NOP9: variants seen among roughly 807,000 people sequenced by gnomAD.
NOP9 encodes the protein NOP9 nucleolar protein.
A neutral mutation model predicts 63.0 loss-of-function variants in NOP9; 50 were observed. That is an observed-to-expected ratio of 0.79 (90% confidence interval 0.63 to 1.00). The LOEUF is 1.00. Ranked by LOEUF, NOP9 falls within the 50% of genes least tolerant of loss-of-function variation. NOP9 has a pLI of 0.00. For missense variants in NOP9, 758 were observed against 803.0 expected (o/e 0.94, Z 0.68); for synonymous variants, 343 against 332.8 (o/e 1.03, Z -0.33).
At position 24,306,336 on chromosome 14, in the gene NOP9, G is replaced by A. The variant is rs1170161232; in HGVS notation, c.*1241G>A. 6.2e-7 allele frequency: 1 copy of A among 1,613,458 alleles called. No individual in the cohort carries two copies. Among genetic ancestry groups the A allele is most frequent in the South Asian group, 1.1e-5 (1 of 91,058 alleles). Reference sequence around the variant, plus strand: ...GAGGAAGCCCGGGAAAGCTCTAAAGGACAGGCATTGGAAGCAGCCCCAGTA... The same window carrying A: ...GAGGAAGCCCGGGAAAGCTCTAAAGAACAGGCATTGGAAGCAGCCCCAGTA... On this transcript the variant is annotated 3_prime_UTR_variant, in exon 10 of 10. Transcript: ENST00000267425.
the NOP9 span, among the ~76,000 whole-genome samples, chr14:24,289,131 C>T: frequency 6.6e-6 from 1 of 152,242 alleles, no homozygotes; most frequent in Admixed American, 6.5e-5. Context: ...CGCCCGCCAC[C>T]ACGCCCAGCT....
the NOP9 span, among the ~76,000 whole-genome samples, chr14:24,276,385 A>T: frequency 6.6e-6 from 1 of 151,900 alleles, no homozygotes; most frequent in Non-Finnish European, 1.5e-5. Context: ...TCAAAAAAAA[A>T]AAAAAAATAG....
rs1327642006 is a variant in NOP9 at position 24,306,099 on chromosome 14, G to C, written c.*1004G>C. 3.1e-6 allele frequency: 5 copies of C among 1,614,062 alleles called. No individual in the cohort carries two copies. Among genetic ancestry groups the C allele is most frequent in the Non-Finnish European group, 4.2e-6 (5 of 1,179,996 alleles). ...ATCGGGCGATGTCCTTGCTGTGCTT[G>C]GGCCTCTCCCGTCCCAGGCCATATG... On this transcript the variant is annotated 3_prime_UTR_variant, in exon 10 of 10. Coordinates refer to ENST00000267425, the MANE Select transcript of NOP9 (RefSeq NM_174913.3).
chr14:24,290,997 TG>T, the NOP9 span: 1 of 1,614,034 alleles, frequency 6.2e-7, no homozygotes, highest in Non-Finnish European at 8.5e-7. Flanking sequence ...CGGGGCGGCC[TG>T]GGAACAACAG....
In NOP9 at chr14:24,300,825, A is replaced by C; in HGVS notation, c.665A>C (p.Glu222Ala). The change falls in exon 2 of 10, where the codon GAG becomes GCG. Residue 222 changes from glutamate to alanine, a missense_variant. Transcript: ENST00000267425. ...QVLGGTILES[E>A]RARPRGSQSS... ...TTAGGAGGGACTATTCTGGAGTCTG[A>C]GAGAGCCAGGCCCCGTGGTTCCCAA... 6.2e-7 allele frequency: 1 copy of C among 1,613,964 alleles called. No homozygotes were observed.
chr14:24,292,653 G>A, the NOP9 span: 13 of 1,614,062 alleles, frequency 8.1e-6, no homozygotes, highest in Admixed American at 3.3e-5. Flanking sequence ...GGTCCTCACC[G>A]CAGCTTTGCC....
At position 24,306,383 on chromosome 14, in the gene NOP9, G is replaced by T. The variant is rs1208850480; in HGVS notation, c.*1288G>T. 1.9e-6 allele frequency: 3 copies of T among 1,614,056 alleles called. No individual in the cohort carries two copies. Among genetic ancestry groups the T allele is most frequent in the African/African-American group, 1.3e-5 (1 of 74,914 alleles). On this transcript the variant is annotated 3_prime_UTR_variant, in exon 10 of 10. Coordinates refer to ENST00000267425, the MANE Select transcript of NOP9 (RefSeq NM_174913.3). ...AGTATAGGCCTCTTACCCTTGTAGG[G>T]CTCCAGCTCTGACCAGACTGCAACA... is the stretch of plus-strand genomic sequence containing the variant.
chr14:24,281,324 A>G, the NOP9 span, among the ~76,000 whole-genome samples: 2 of 152,192 alleles, frequency 1.3e-5, no homozygotes, highest in Non-Finnish European at 2.9e-5. Flanking sequence ...CTGGCCCAGC[A>G]TACCTCCCCT....
Position 24,303,759 on chromosome 14 carries a change from C to T in NOP9, c.1312C>T (p.Arg438Trp), listed in dbSNP as rs116960868. The T allele has an allele frequency of 2.2e-5, 35 of 1,614,022 alleles. No homozygotes were observed. The highest frequency in any genetic ancestry group is 8.3e-5 in the Admixed American group (5 of 60,006). ...ATTCCACTGTGCAGAGCCCTCATCC[C>T]GGCAAGTGGCCTGTGTGCCTCTCTT... Reference protein sequence around the residue: ...EAFHCAEPSSRQVACVPLFAT... With the variant: ...EAFHCAEPSSWQVACVPLFAT... Residue 438 changes from arginine to tryptophan, a missense_variant, in exon 7 of 10, where the codon CGG (arginine) becomes TGG (tryptophan). Arg to Trp is a moderately radical substitution (Grantham distance 101). Coordinates refer to ENST00000267425, the MANE Select transcript of NOP9 (RefSeq NM_174913.3).
Position 24,307,361 on chromosome 14 carries a change from G to C in NOP9, c.*2266G>C, listed in dbSNP as rs903342775. ...CCTGCTATAGGAACCGAGGAACTTG[G>C]CCTACTTACTTTGGCTAGCAGCTCC... On this transcript the variant is annotated 3_prime_UTR_variant, in exon 10 of 10. Transcript: ENST00000267425. 2.0e-5 allele frequency: 33 copies of C among 1,610,746 alleles called. No homozygotes were observed. The highest frequency in any genetic ancestry group is 6.7e-5 in the Admixed American group (4 of 59,648).
At chr14:24,303,928 A>G in intron 7 of NOP9, 71 bp downstream of exon 7, 1 of 1,598,354 alleles carries the variant, frequency 6.3e-7, no homozygotes, top group Non-Finnish European at 8.6e-7. Flanking sequence ...CAAGCGTCTG[A>G]CTTCTGAGGT....
chr14:24,291,092 A>G, the NOP9 span: 22 of 1,613,154 alleles, frequency 1.4e-5, no homozygotes, highest in South Asian at 2.1e-4. Context: ...TGGGCAGGGA[A>G]CAGAGGGAAC....
the NOP9 span, among the ~76,000 whole-genome samples, chr14:24,280,818 C>G: frequency 6.6e-6 from 1 of 152,092 alleles, no homozygotes; most frequent in African/African-American, 2.4e-5. Flanking sequence ...AATGGTGAGC[C>G]ATGGAGGCAC....
chr14:24,278,397 T>G, the NOP9 span, among the ~76,000 whole-genome samples: 1 of 152,224 alleles, frequency 6.6e-6, no homozygotes, highest in Non-Finnish European at 1.5e-5. Context: ...TAATGTGTCT[T>G]TGTCAACCTG....
chr14:24,303,103 T>C lies in NOP9; in HGVS notation c.1173T>C (p.Pro391=). 1 of 1,579,764 alleles carries C rather than the reference T, an allele frequency of 6.3e-7. No homozygotes were observed. Among genetic ancestry groups the C allele is most frequent in the South Asian group, 1.2e-5 (1 of 86,112 alleles). Residue 391 remains proline, a synonymous_variant, in exon 6 of 10, where the codon CCT becomes CCC. Coordinates refer to ENST00000267425, the MANE Select transcript of NOP9 (RefSeq NM_174913.3). Reference sequence around the variant, plus strand: ...CCCCTGTGTTTGAGGAGCTGAGCCCTGTCTTGGAAGCTGTATTGGCCCAGG... The same window carrying C: ...CCCCTGTGTTTGAGGAGCTGAGCCCCGTCTTGGAAGCTGTATTGGCCCAGG... ...LLSPVFEELS[P]VLEAVLAQGH... is the part of the protein sequence containing the mutation.
the NOP9 span, chr14:24,292,112 T>C: frequency 6.3e-7 from 1 of 1,586,916 alleles, no homozygotes. Flanking sequence ...AGTGGGAGTA[T>C]CTGATCTTGT....
the NOP9 span, chr14:24,291,801 C>T: frequency 1.5e-6 from 1 of 671,200 alleles, no homozygotes; most frequent in East Asian, 2.7e-5. Flanking sequence ...CTCCTCCCCA[C>T]ATCCAGGTGA....
the NOP9 span, among the ~76,000 whole-genome samples, chr14:24,275,958 G>A: frequency 6.6e-6 from 1 of 152,222 alleles, no homozygotes; most frequent in Non-Finnish European, 1.5e-5. Context: ...GAAGTGTTTG[G>A]TATCTGTGTC....
Position 24,307,679 on chromosome 14 carries a change from AG to A in NOP9, c.*2586del. 3 of 1,250,356 alleles carry A rather than the reference AG, an allele frequency of 2.4e-6. No homozygotes were observed. Among genetic ancestry groups the A allele is most frequent in the Non-Finnish European group, 3.4e-6 (3 of 879,074 alleles). 77.5% of individuals were successfully genotyped at this position (1,250,356 alleles called of 1,614,324 possible). On this transcript the variant is annotated 3_prime_UTR_variant, in exon 10 of 10. Coordinates refer to ENST00000267425, the MANE Select transcript of NOP9 (RefSeq NM_174913.3). ...GAGTGCAGGTGGGGGCGGGTGGCTCAGGAGCTTGACAAGCCCACTGTGGAGT... is the reference window on the plus strand; with the variant it reads ...GAGTGCAGGTGGGGGCGGGTGGCTCAGAGCTTGACAAGCCCACTGTGGAGT...
Sources: allele counts gnomAD v4.1 joint callset (sites outside exome capture counted in the v4.1 genomes callset), GRCh38; gene constraint gnomAD v4.1.1; transcripts MANE v1.5; gene names NCBI Gene and HGNC (gene_info 2026-07-23, HGNC 2026-07-21).